Variants in DNMT3A observed in about 807,000 individuals in gnomAD.
DNMT3A encodes DNA methyltransferase 3 alpha.
In DNMT3A, 267 loss-of-function variants were observed where a neutral mutation model predicts 117.6. The observed-to-expected ratio is 2.27, with a 90% CI of 2.05 to 2.51. DNMT3A has a LOEUF of 2.51. Among genes scored for constraint, DNMT3A ranks in the 30% most tolerant of loss-of-function variants. The pLI, the probability that DNMT3A is intolerant of heterozygous loss-of-function variation, is 0.00. For missense variants in DNMT3A, 1,029 were observed against 1,260.2 expected, an observed-to-expected ratio of 0.82 and a Z score of 2.78; for synonymous variants, 432 against 474.8, an observed-to-expected ratio of 0.91 and a Z score of 1.17.
At chr2:25,285,115 T>C (rs1244280693) in intron 3 of DNMT3A, among the ~76,000 whole-genome samples, 2 of 152,154 alleles carry the variant, frequency 1.3e-5, no homozygotes, top group East Asian at 3.9e-4. Flanking sequence ...CCAGAAGTGG[T>C]CAGGCCGGGT....
intron 3 of DNMT3A, among the ~76,000 whole-genome samples, chr2:25,290,100 T>A (rs1277740957): frequency 3.3e-5 from 5 of 152,216 alleles, no homozygotes. Flanking sequence ...TACCAGGGAC[T>A]ACAGGTGCCT....
At position 25,282,315 on chromosome 2, in the gene DNMT3A, T is replaced by C; in HGVS notation, c.448+126A>G. On this transcript the variant is annotated intron_variant, in intron 4 of 22. Transcript: ENST00000321117. This position sits in a 1 kb window ranked among gnomAD's most constrained non-coding sequence, Gnocchi z 5.2. ...AGCCAGTAGCCTCCAGGCCATAGCC[T>C]TGGCAAGCAGACCTTTAGCCACGAC... is the stretch of plus-strand genomic sequence containing the variant. 6.7e-7 allele frequency: 1 copy of C among 1,493,516 alleles called. No homozygotes were observed. The highest frequency in any genetic ancestry group is 1.3e-5 in the South Asian group (1 of 77,042). 92.5% of individuals were successfully genotyped at this position (1,493,516 alleles called of 1,614,324 possible).
chr2:25,252,017 GC>G lies in DNMT3A; in HGVS notation c.640-3766del. 1 of 743,276 alleles carries G rather than the reference GC, an allele frequency of 1.3e-6. No individual in the cohort carries two copies. The highest frequency in any genetic ancestry group is 2.0e-6 in the Non-Finnish European group (1 of 493,072). The allele number at this position is 743,276 out of a possible 1,614,324, so 46.0% of individuals were successfully genotyped here. On this transcript the variant is annotated intron_variant, in intron 6 of 22. Coordinates refer to ENST00000321117, the MANE Select transcript of DNMT3A (RefSeq NM_022552.5). This position sits in a 1 kb window ranked among gnomAD's most constrained non-coding sequence, Gnocchi z 5.5. ...CTTGGGGCTCGTGGGCAGGAAGGCG[GC>G]GGGCCAGCACTAAGTCAGCATCTCC...
chr2:25,251,831 C>A, intron 6 of DNMT3A: 2 of 344,910 alleles, frequency 5.8e-6, no homozygotes, highest in Non-Finnish European at 1.1e-5. Context: ...AAGTGCCAGG[C>A]ACCCATCTGC....
rs867996383 is a variant in DNMT3A, at chr2:25,232,380, T to C, written c.*1899A>G. 1 of 152,156 alleles carries C rather than the reference T, an allele frequency of 6.6e-6. No individual in the cohort carries two copies. Among genetic ancestry groups the C allele is most frequent in the Non-Finnish European group, 1.5e-5 (1 of 68,018 alleles). 9.4% of individuals were successfully genotyped at this position (152,156 alleles called of 1,614,324 possible). On this transcript the variant is annotated 3_prime_UTR_variant, in exon 23 of 23. Coordinates refer to ENST00000321117, the MANE Select transcript of DNMT3A (RefSeq NM_022552.5). The surrounding 1 kb of genome is among the most constrained non-coding windows in gnomAD (Gnocchi z 4.1). ...ACTACTGACGCCAGGCCGCCTGCCT[T>C]GTAGGAAGTAGAACAAAGTGTTGAG...
intron 1 of DNMT3A, among the ~76,000 whole-genome samples, chr2:25,338,804 G>T (rs1292418874): frequency 1.3e-5 from 2 of 152,204 alleles, no homozygotes; most frequent in Non-Finnish European, 2.9e-5. Context: ...TTTACCGTTT[G>T]TCCTGTCTTC....
At chr2:25,270,618 C>T (rs1419943108) in intron 6 of DNMT3A, among the ~76,000 whole-genome samples, 1 of 151,072 alleles carries the variant, frequency 6.6e-6, no homozygotes, top group East Asian at 1.9e-4. Context: ...GAGGAGGGTA[C>T]TTGGATCTAG....
intron 6 of DNMT3A, among the ~76,000 whole-genome samples, chr2:25,263,570 T>G (rs910518383): frequency 4.6e-5 from 7 of 152,198 alleles, no homozygotes; most frequent in African/African-American, 1.7e-4. Context: ...ACTGGCCTCT[T>G]AATAAAGCGG....
chr2:25,240,214 G>A, intron 19 of DNMT3A, 88 bp downstream of exon 19: 2 of 1,574,146 alleles, frequency 1.3e-6, no homozygotes, highest in Non-Finnish European at 1.7e-6. Context: ...CCAGTCCCCA[G>A]CTCCACAATG....
chr2:25,251,983 G>T, intron 6 of DNMT3A: 1 of 571,968 alleles, frequency 1.7e-6, no homozygotes, highest in Non-Finnish European at 2.9e-6. Flanking sequence ...AGCCCTCGAG[G>T]AGTGGGGCCT....
At chr2:25,235,463 G>A (rs1188707727) in intron 22 of DNMT3A, among the ~76,000 whole-genome samples, 1 of 152,160 alleles carries the variant, frequency 6.6e-6, no homozygotes, top group Non-Finnish European at 1.5e-5. Flanking sequence ...GGGATTATAG[G>A]CATGAGCCAC....
chr2:25,290,149 A>T (rs143843692), intron 3 of DNMT3A, among the ~76,000 whole-genome samples: 2,244 of 152,014 alleles, frequency 0.015, 23 homozygotes, highest in Non-Finnish European at 0.024. Flanking sequence ...GGAAGTAATT[A>T]AAAAAAATTT....
At chr2:25,276,087 G>A (rs1179868595) in intron 4 of DNMT3A, among the ~76,000 whole-genome samples, 3 of 152,156 alleles carry the variant, frequency 2.0e-5, no homozygotes, top group Non-Finnish European at 2.9e-5. Flanking sequence ...ACAAGACCCC[G>A]GTGAAGCAAC....
intron 9 of DNMT3A, 73 bp from the exon 10 acceptor site, chr2:25,246,849 A>G (rs1251229443): frequency 1.3e-6 from 2 of 1,580,680 alleles, no homozygotes; most frequent in African/African-American, 1.3e-5. Context: ...TCAAGGCCAG[A>G]CTCTGAGTAG....
At position 25,230,353 on chromosome 2, in the gene DNMT3A, C is replaced by T. The variant is rs1305868151; in HGVS notation, c.*3926G>A. On this transcript the variant is annotated 3_prime_UTR_variant, in exon 23 of 23. Coordinates refer to ENST00000321117, the MANE Select transcript of DNMT3A (RefSeq NM_022552.5). ...TTAGGCAGGAGGCCAAGGACTGTGT[C>T]CCCAGCACGAGCACCTGGCTACCTC... 1 of 152,210 alleles carries T rather than the reference C, an allele frequency of 6.6e-6. No homozygotes were observed. 9.4% of individuals were successfully genotyped at this position (152,210 alleles called of 1,614,324 possible).
chr2:25,275,967 G>A (rs370643274), intron 4 of DNMT3A, among the ~76,000 whole-genome samples: 17 of 152,284 alleles, frequency 1.1e-4, no homozygotes, highest in African/African-American at 3.9e-4. Flanking sequence ...GAAGGCCTGG[G>A]CCAGAGGGCC....
chr2:25,235,856 A>G (rs1673301629), intron 21 of DNMT3A, 31 bp from the exon 22 acceptor site: 2 of 1,586,746 alleles, frequency 1.3e-6, no homozygotes, highest in Non-Finnish European at 1.7e-6. Context: ...AGGAATAAGC[A>G]CGAATTCATT....
At chr2:25,238,649 C>G (rs921357219) in intron 20 of DNMT3A, among the ~76,000 whole-genome samples, 7 of 152,124 alleles carry the variant, frequency 4.6e-5, no homozygotes, top group African/African-American at 1.4e-4. Context: ...CAAAAAAGGA[C>G]CTGAAGCCAA....
chr2:25,313,852 C>T, intron 2 of DNMT3A, 61 bp downstream of exon 2: 1 of 1,548,182 alleles, frequency 6.5e-7, no homozygotes, highest in Non-Finnish European at 8.7e-7. Context: ...GCTGTCATCA[C>T]ATAGGGACAG....
Sources: gnomAD v4.1 joint callset for allele counts (sites outside exome capture counted in the v4.1 genomes callset) on GRCh38, gnomAD v4.1.1 for gene constraint, Gnocchi (gnomAD v3.1) non-coding constraint, MANE v1.5 for transcripts, NCBI Gene and HGNC (gene_info 2026-07-23, HGNC 2026-07-21) for gene names.